The following ECE1 variants were observed in gnomAD, a reference collection of about 807,000 sequenced individuals.
ECE1 encodes the protein endothelin converting enzyme 1, also known as endothelin-converting enzyme 1.
A neutral mutation model predicts 98.6 loss-of-function variants in ECE1; 35 were observed. The observed-to-expected ratio is 0.35, with a 90% CI of 0.27 to 0.47. The LOEUF (loss-of-function observed/expected upper bound fraction) is 0.47, where lower values mean the gene tolerates loss of function less well. Ranked by LOEUF, ECE1 falls within the 20% of genes least tolerant of loss-of-function variation. ECE1 has a pLI of 1.00. For missense variants in ECE1, 814 were observed against 1,025.3 expected (o/e 0.79, Z 2.81); for synonymous variants, 394 against 407.1 (o/e 0.97, Z 0.39).
At chr1:21,283,788 T>C (rs956529824) in intron 2 of ECE1, among the ~76,000 whole-genome samples, 6 of 152,190 alleles carry the variant, frequency 3.9e-5, no homozygotes, top group Admixed American at 3.3e-4. Context: ...CAAAATTAAA[T>C]TAAAATTAAG....
intron 1 of ECE1, among the ~76,000 whole-genome samples, chr1:21,326,919 C>G (rs564885752): frequency 6.6e-6 from 1 of 152,282 alleles, no homozygotes; most frequent in Non-Finnish European, 1.5e-5. Context: ...CCTGGAAACA[C>G]CCCCGCTCCC....
intron 8 of ECE1, 92 bp downstream of exon 8, chr1:21,255,855 T>C (rs2076282): frequency 0.23 from 300,848 of 1,307,998 alleles, 37,425 homozygotes; most frequent in Non-Finnish European, 0.25. Flanking sequence ...TTTCAAGGAC[T>C]AGATGAAATG....
rs903562453 is a variant in ECE1 at position 21,260,784 on chromosome 1, T to C, written c.494-392A>G. Among the ~76,000 whole-genome samples the C allele has an allele frequency of 6.6e-6, 1 of 152,194 alleles. No homozygotes were observed. Among genetic ancestry groups the C allele is most frequent in the Non-Finnish European group, 1.5e-5 (1 of 68,034 alleles). On this transcript the variant is annotated intron_variant, in intron 4 of 18. Coordinates refer to ENST00000374893, the MANE Select transcript of ECE1 (RefSeq NM_001397.3). The surrounding 1 kb of genome is among the most constrained non-coding windows in gnomAD (Gnocchi z 4.3). ...ACAGAGGCCGGTCTTGGTTTTCAGA[T>C]ACCAGATGATCTTTCTTGTGATAAA...
intron 16 of ECE1, among the ~76,000 whole-genome samples, chr1:21,226,188 T>C (rs1043943859): frequency 6.6e-6 from 1 of 152,188 alleles, no homozygotes; most frequent in African/African-American, 2.4e-5. Context: ...GAGGAGGGAC[T>C]GATTCAACGC....
At chr1:21,254,240 C>T (rs749438361) in intron 8 of ECE1, among the ~76,000 whole-genome samples, 1 of 151,992 alleles carries the variant, frequency 6.6e-6, no homozygotes, top group Non-Finnish European at 1.5e-5. Flanking sequence ...TGTAAAAACT[C>T]GAGAGAATCC....
intron 9 of ECE1, 130 bp downstream of exon 9, chr1:21,247,091 G>C: frequency 1.6e-6 from 2 of 1,287,508 alleles, no homozygotes; most frequent in Non-Finnish European, 2.2e-6. Flanking sequence ...AGGATGTCCT[G>C]CTGCCTCTCG....
chr1:21,293,560 G>A (rs548370646), upstream of ECE1: 3 of 152,170 alleles, frequency 2.0e-5, no homozygotes, highest in East Asian at 5.8e-4. Context: ...TCTGTGGACA[G>A]ATGATGCAGG....
intron 3 of ECE1, among the ~76,000 whole-genome samples, chr1:21,275,572 G>A (rs1344018044): frequency 6.6e-6 from 1 of 152,208 alleles, no homozygotes; most frequent in Non-Finnish European, 1.5e-5. Flanking sequence ...TCCAGCCTGG[G>A]CGACAAGAGT....
intron 2 of ECE1, among the ~76,000 whole-genome samples, chr1:21,284,003 G>A (rs1362948189): frequency 6.6e-6 from 1 of 152,204 alleles, no homozygotes; most frequent in Non-Finnish European, 1.5e-5. Context: ...GAGGTACTAG[G>A]CCAGGATCAG....
intron 10 of ECE1, among the ~76,000 whole-genome samples, chr1:21,244,343 G>A (rs1000256460): frequency 3.3e-5 from 5 of 152,174 alleles, no homozygotes; most frequent in African/African-American, 4.8e-5. Context: ...CAGTATTCCC[G>A]TACTGGGCTT....
At chr1:21,300,702 C>T (rs974896797) in intron 1 of ECE1, among the ~76,000 whole-genome samples, 1 of 152,148 alleles carries the variant, frequency 6.6e-6, no homozygotes, top group Non-Finnish European at 1.5e-5. Flanking sequence ...TCCCAAAGTG[C>T]TTGGATTACA....
chr1:21,237,731 T>C, intron 11 of ECE1, among the ~76,000 whole-genome samples: 1 of 152,172 alleles, frequency 6.6e-6, no homozygotes, highest in Admixed American at 6.5e-5. Flanking sequence ...GGCCGGGCTG[T>C]CTCCAAGGCG....
chr1:21,235,736 T>G lies in ECE1; in HGVS notation c.1566+114A>C. The stretch of plus-strand genomic sequence containing the variant: ...CCCAAGCCCCACACCACATCATCCC[T>G]GTGTGTTTTGACAACCATGCTGCCT... On this transcript the variant is annotated intron_variant, in intron 13 of 18. Coordinates refer to ENST00000374893, the MANE Select transcript of ECE1 (RefSeq NM_001397.3). The surrounding 1 kb of genome is among the most constrained non-coding windows in gnomAD (Gnocchi z 4.2). 10 of 1,079,558 alleles carry G rather than the reference T, an allele frequency of 9.3e-6. No homozygotes were observed. Among genetic ancestry groups the G allele is most frequent in the Non-Finnish European group, 1.4e-5 (10 of 695,572 alleles). 66.9% of individuals were successfully genotyped at this position (1,079,558 alleles called of 1,614,324 possible).
upstream of ECE1, among the ~76,000 whole-genome samples, chr1:21,295,037 G>A (rs889919107): frequency 1.3e-5 from 2 of 152,174 alleles, no homozygotes; most frequent in African/African-American, 4.8e-5. Context: ...AATGTAGTGG[G>A]TAAAATCTCT....
intron 10 of ECE1, among the ~76,000 whole-genome samples, chr1:21,242,908 G>A (rs1187251978): frequency 6.6e-6 from 1 of 152,226 alleles, no homozygotes; most frequent in Admixed American, 6.5e-5. Flanking sequence ...AGCCTCCAGG[G>A]TAGCTGGGAC....
At chr1:21,274,336 C>G (rs1401048264) in intron 3 of ECE1, among the ~76,000 whole-genome samples, 1 of 152,222 alleles carries the variant, frequency 6.6e-6, no homozygotes, top group Admixed American at 6.5e-5. Context: ...ATCCGTTTCC[C>G]CACCACACAG....
intron 2 of ECE1, among the ~76,000 whole-genome samples, chr1:21,281,197 A>AAACC (rs1157013537): frequency 1.5e-5 from 2 of 135,840 alleles, no homozygotes; most frequent in African/African-American, 5.1e-5. Flanking sequence ...CTCGGAAAAC[A>AAACC]AAACAAAACA....
At chr1:21,313,388 C>T (rs1013661013) in intron 1 of ECE1, among the ~76,000 whole-genome samples, 9 of 152,182 alleles carry the variant, frequency 5.9e-5, no homozygotes, top group African/African-American at 2.2e-4. Flanking sequence ...CGGGAGGAAA[C>T]GCCTGGCTGG....
chr1:21,298,169 TCA>T, intron 1 of ECE1: 1 of 160,722 alleles, frequency 6.2e-6, no homozygotes, highest in Non-Finnish European at 1.4e-5. Context: ...TGGAACTGCC[TCA>T]CACACAGACT....
Sources: allele counts gnomAD v4.1 joint callset (sites outside exome capture counted in the v4.1 genomes callset), GRCh38; gene constraint gnomAD v4.1.1; non-coding constraint Gnocchi (gnomAD v3.1); transcripts MANE v1.5; gene names NCBI Gene and HGNC (gene_info 2026-07-23, HGNC 2026-07-21).